The following PCDH15 variants were observed in gnomAD, a reference collection of about 807,000 sequenced individuals.
The protein encoded by PCDH15 is protocadherin related 15.
PCDH15 carries 129 observed loss-of-function variants against 178.5 expected under a neutral mutation model. The observed-to-expected ratio is 0.72, with a 90% CI of 0.63 to 0.84. PCDH15 has a LOEUF of 0.84. PCDH15 is among the 40% of genes least tolerant of loss of function. The pLI, the probability that PCDH15 is intolerant of heterozygous loss-of-function variation, is 0.00. For synonymous variants in PCDH15, 800 were observed against 732.0 expected (o/e 1.09, Z -1.50); for missense variants, 2,230 against 2,099.9 (o/e 1.06, Z -1.21).
chr10:55,160,821 T>C (rs560063839), intron 2 of PCDH15, among the ~76,000 whole-genome samples: 1 of 152,282 alleles, frequency 6.6e-6, no homozygotes, highest in Admixed American at 6.5e-5. Flanking sequence ...GCACTGCCTG[T>C]TGACGTCTAG....
chr10:55,424,901 T>C (rs1451726523), intron 2 of PCDH15, among the ~76,000 whole-genome samples: 1 of 151,338 alleles, frequency 6.6e-6, no homozygotes, highest in African/African-American at 2.4e-5. Context: ...TAAAAAAAAG[T>C]GTGATATTAA....
At chr10:54,041,187 T>A (rs992816719) in intron 18 of PCDH15, among the ~76,000 whole-genome samples, 4 of 152,148 alleles carry the variant, frequency 2.6e-5, no homozygotes, top group Non-Finnish European at 5.9e-5. Flanking sequence ...AAAATGTGCC[T>A]TGTTCACATT....
intron 3 of PCDH15, among the ~76,000 whole-genome samples, chr10:54,381,286 A>G (rs1170539009): frequency 2.0e-5 from 3 of 152,090 alleles, no homozygotes; most frequent in East Asian, 1.9e-4. Flanking sequence ...GTTAGCATTA[A>G]GCCAGAAACT....
chr10:53,838,078 C>G (rs917600812), intron 29 of PCDH15, among the ~76,000 whole-genome samples: 3 of 151,904 alleles, frequency 2.0e-5, no homozygotes, highest in Admixed American at 1.3e-4. Context: ...TGGGTTCACG[C>G]CATTCTCCTG....
chr10:54,008,837 T>G (rs2092472428), intron 20 of PCDH15, among the ~76,000 whole-genome samples: 3 of 152,270 alleles, frequency 2.0e-5, no homozygotes, highest in African/African-American at 2.4e-5. Context: ...CCAAGGCAAA[T>G]TTTTCACCTG....
intron 3 of PCDH15, chr10:54,452,424 T>A (rs2076536505): frequency 6.6e-6 from 1 of 152,060 alleles, no homozygotes; most frequent in African/African-American, 2.4e-5. Flanking sequence ...TTTATGCTAA[T>A]AAATCAATTA....
intron 27 of PCDH15, among the ~76,000 whole-genome samples, chr10:53,862,317 C>A (rs2079156819): frequency 6.6e-6 from 1 of 152,138 alleles, no homozygotes; most frequent in African/African-American, 2.4e-5. Context: ...TCCCAAAGTG[C>A]TGGGATTACA....
chr10:53,888,217 T>G (rs1005899109), intron 26 of PCDH15, among the ~76,000 whole-genome samples: 1 of 148,496 alleles, frequency 6.7e-6, no homozygotes, highest in Non-Finnish European at 1.5e-5. Context: ...TGCTCAATAT[T>G]GTATAGCTGA....
At chr10:54,734,447 T>C (rs4935556) in intron 1 of PCDH15, among the ~76,000 whole-genome samples, 18,531 of 151,870 alleles carry the variant, frequency 0.12, 1,265 homozygotes, top group African/African-American at 0.17. Flanking sequence ...CACTCATGCA[T>C]TGCTGGTGAA....
At chr10:54,192,154 A>G (rs945522966) in intron 11 of PCDH15, among the ~76,000 whole-genome samples, 9 of 132,564 alleles carry the variant, frequency 6.8e-5, no homozygotes, top group Admixed American at 3.9e-4. Flanking sequence ...GAAAGAAAGA[A>G]AAAGAAAGAA....
chr10:54,026,127 G>GGT (rs1363876948), intron 18 of PCDH15, among the ~76,000 whole-genome samples: 1 of 150,502 alleles, frequency 6.6e-6, no homozygotes, highest in Non-Finnish European at 1.5e-5. Context: ...GGTGTGCAGT[G>GGT]GTGTGATCTA....
At chr10:54,346,725 G>A (rs1356888597) in intron 5 of PCDH15, among the ~76,000 whole-genome samples, 1 of 152,190 alleles carries the variant, frequency 6.6e-6, no homozygotes, top group Non-Finnish European at 1.5e-5. Context: ...CGCTGATTCC[G>A]TGTTAAACAC....
chr10:55,202,914 A>G (rs1425306305), intron 1 of PCDH15, among the ~76,000 whole-genome samples: 2 of 152,186 alleles, frequency 1.3e-5, no homozygotes, highest in Non-Finnish European at 2.9e-5. Context: ...CTCCCAGGCC[A>G]TCTGGAACTG....
At chr10:53,829,586 T>C (rs536513913) in intron 30 of PCDH15, among the ~76,000 whole-genome samples, 13 of 152,336 alleles carry the variant, frequency 8.5e-5, no homozygotes, top group African/African-American at 3.1e-4. Context: ...ATCAATTTTG[T>C]TCATCAGCTT....
chr10:54,294,249 T>C (rs1008221484), intron 8 of PCDH15, among the ~76,000 whole-genome samples: 7 of 150,700 alleles, frequency 4.6e-5, no homozygotes, highest in Admixed American at 2.0e-4. Flanking sequence ...GTTCTCATAG[T>C]TGGGAATCGA....
At chr10:55,015,749 T>C (rs112746734) in intron 2 of PCDH15, among the ~76,000 whole-genome samples, 5 of 152,136 alleles carry the variant, frequency 3.3e-5, no homozygotes, top group Admixed American at 2.0e-4. Context: ...CCAGTTCTGA[T>C]TGTCCTGCAG....
chr10:55,279,001 AT>A (rs1008949483), intron 1 of PCDH15, among the ~76,000 whole-genome samples: 6 of 152,200 alleles, frequency 3.9e-5, no homozygotes, highest in African/African-American at 1.4e-4. Context: ...CAGTGTTAAC[AT>A]TCCAGCATTT....
rs961398717 is a variant in PCDH15 at position 55,296,990 on chromosome 10, T to G, written c.-156+22609A>C. Reference sequence around the variant, plus strand: ...GGATGTACTTTACTTTTAAAAAAAGTTTGCTGAAGTAATCTTATTTTTTCA... The same window carrying G: ...GGATGTACTTTACTTTTAAAAAAAGGTTGCTGAAGTAATCTTATTTTTTCA... On this transcript the variant is annotated intron_variant, in intron 1 of 5. Transcript: ENST00000458638. Among the ~76,000 whole-genome samples the G allele has an allele frequency of 3.3e-5, 5 of 152,226 alleles. No individual in the cohort carries two copies. In the East Asian group the frequency reaches 9.7e-4, roughly 29 times the overall value.
chr10:54,310,948 T>C (rs368166306), intron 8 of PCDH15, among the ~76,000 whole-genome samples: 8 of 152,216 alleles, frequency 5.3e-5, no homozygotes, highest in African/African-American at 1.7e-4. Context: ...ATATATTTAA[T>C]GTGAGGCTAT....
Sources: gnomAD v4.1 joint callset for allele counts (sites outside exome capture counted in the v4.1 genomes callset) on GRCh38, gnomAD v4.1.1 for gene constraint, MANE v1.5 for transcripts, NCBI Gene and HGNC (gene_info 2026-07-23, HGNC 2026-07-21) for gene names.